Variants in EPB41L4A observed in about 807,000 individuals in gnomAD.
The protein encoded by EPB41L4A is band 4.1-like protein 4A.
Under a neutral mutation model 108.6 loss-of-function variants are expected in EPB41L4A, and 100 were observed. The observed-to-expected ratio is 0.92, with a 90% CI of 0.78 to 1.09. The LOEUF (loss-of-function observed/expected upper bound fraction) is 1.09. Among genes scored for constraint, EPB41L4A ranks in the 50% least tolerant of loss-of-function variants. The pLI, the probability that EPB41L4A is intolerant of heterozygous loss-of-function variation, is 0.00. For synonymous variants in EPB41L4A, 319 were observed against 289.0 expected (o/e 1.10, Z -1.05); for missense variants, 1,030 against 842.7 (o/e 1.22, Z -2.75).
intron 1 of EPB41L4A, among the ~76,000 whole-genome samples, chr5:112,316,921 T>C (rs1755463943): frequency 2.0e-5 from 3 of 152,168 alleles, no homozygotes; most frequent in Non-Finnish European, 2.9e-5. Context: ...AGCAAGGTAA[T>C]CTGACTTCGT....
chr5:112,361,013 A>T (rs13162371), intron 1 of EPB41L4A, among the ~76,000 whole-genome samples: 23 of 151,218 alleles, frequency 1.5e-4, no homozygotes, highest in African/African-American at 5.6e-4. Flanking sequence ...GCCCTGTCTG[A>T]GAGGTGTACC....
chr5:112,267,372 C>A (rs1298568318), intron 4 of EPB41L4A, among the ~76,000 whole-genome samples: 1 of 152,162 alleles, frequency 6.6e-6, no homozygotes, highest in Non-Finnish European at 1.5e-5. Context: ...ACAACCAAAG[C>A]ACTTAGTGAG....
intron 1 of EPB41L4A, among the ~76,000 whole-genome samples, chr5:112,410,728 C>T (rs1181644221): frequency 6.6e-6 from 1 of 152,132 alleles, no homozygotes; most frequent in East Asian, 1.9e-4. Context: ...TCCCATTGCC[C>T]TTATCGCCCA....
At chr5:112,343,092 T>C (rs1357931578) in intron 1 of EPB41L4A, among the ~76,000 whole-genome samples, 1 of 152,208 alleles carries the variant, frequency 6.6e-6, no homozygotes, top group Non-Finnish European at 1.5e-5. Context: ...TAACAGACAG[T>C]TGGCTTTACA....
chr5:112,152,202 A>G (rs1393680163), intron 12 of EPB41L4A, among the ~76,000 whole-genome samples: 2 of 152,202 alleles, frequency 1.3e-5, no homozygotes, highest in Non-Finnish European at 2.9e-5. Context: ...AAAGAGAAAA[A>G]AAAACATAGA....
exon 14 of EPB41L4A, chr5:112,143,757 A>G (rs1251458631): frequency 1.1e-5 from 4 of 380,620 alleles, no homozygotes; most frequent in Non-Finnish European, 1.6e-5. Flanking sequence ...AAGGGCTCCA[A>G]TTGGCCCAGC....
intron 21 of EPB41L4A, 32 bp downstream of exon 21, chr5:112,168,963 T>C (rs1183178572): frequency 1.7e-5 from 27 of 1,546,304 alleles, no homozygotes; most frequent in Non-Finnish European, 2.4e-5. Context: ...GGAGCCATGA[T>C]GGTGATGGTG....
At chr5:112,346,449 C>T (rs1757684288) in intron 1 of EPB41L4A, among the ~76,000 whole-genome samples, 1 of 151,976 alleles carries the variant, frequency 6.6e-6, no homozygotes, top group South Asian at 2.1e-4. Flanking sequence ...GTCTCAAACT[C>T]CTGACTTTGT....
At chr5:112,230,058 C>A (rs1748772212) in intron 12 of EPB41L4A, among the ~76,000 whole-genome samples, 3 of 150,482 alleles carry the variant, frequency 2.0e-5, no homozygotes, top group African/African-American at 4.9e-5. Flanking sequence ...TATTTTGTTC[C>A]TTTTTATGGC....
At chr5:112,320,880 C>T (rs1755725921) in intron 1 of EPB41L4A, among the ~76,000 whole-genome samples, 2 of 152,140 alleles carry the variant, frequency 1.3e-5, no homozygotes, top group African/African-American at 2.4e-5. Context: ...TCTTCCACTC[C>T]CTGTGGTCTA....
At chr5:112,145,314 C>T (rs1026869661) in intron 13 of EPB41L4A, among the ~76,000 whole-genome samples, 6 of 152,076 alleles carry the variant, frequency 3.9e-5, no homozygotes, top group Admixed American at 1.3e-4. Flanking sequence ...AATTTGATAA[C>T]GGAGATTTTA....
chr5:112,229,536 T>C (rs1485583490), intron 12 of EPB41L4A, among the ~76,000 whole-genome samples: 1 of 152,154 alleles, frequency 6.6e-6, no homozygotes, highest in African/African-American at 2.4e-5. Flanking sequence ...CTGTACCCAA[T>C]GTGTAGTCTT....
At chr5:112,145,082 G>T (rs1257694537) in intron 13 of EPB41L4A, among the ~76,000 whole-genome samples, 1 of 152,198 alleles carries the variant, frequency 6.6e-6, no homozygotes, top group African/African-American at 2.4e-5. Flanking sequence ...TTGAGGTCAG[G>T]AGTTTGAGAC....
At chr5:112,325,543 G>A (rs1756096634) in intron 1 of EPB41L4A, among the ~76,000 whole-genome samples, 1 of 151,896 alleles carries the variant, frequency 6.6e-6, no homozygotes, top group Admixed American at 6.6e-5. Flanking sequence ...GTTTTAAATG[G>A]GTGGTAAGAA....
intron 1 of EPB41L4A, among the ~76,000 whole-genome samples, chr5:112,326,147 C>G (rs1228967376): frequency 6.6e-6 from 1 of 152,134 alleles, no homozygotes; most frequent in Non-Finnish European, 1.5e-5. Context: ...GAGACTCCAT[C>G]TCTTAAAAAA....
At chr5:112,345,391 C>T (rs544232384) in intron 1 of EPB41L4A, among the ~76,000 whole-genome samples, 1 of 152,034 alleles carries the variant, frequency 6.6e-6, no homozygotes, top group East Asian at 1.9e-4. Flanking sequence ...TGTTTGAACA[C>T]ATATTTAATG....
At chr5:112,313,048 C>T (rs1755149645) in intron 1 of EPB41L4A, among the ~76,000 whole-genome samples, 1 of 152,082 alleles carries the variant, frequency 6.6e-6, no homozygotes, top group South Asian at 2.1e-4. Flanking sequence ...TTATTTATTG[C>T]CTAATACCAG....
intron 12 of EPB41L4A, among the ~76,000 whole-genome samples, chr5:112,231,589 TC>T (rs1373586888): frequency 1.3e-5 from 2 of 150,478 alleles, no homozygotes; most frequent in African/African-American, 4.9e-5. Context: ...ATCGAGACCA[TC>T]CTGGCTAACA....
intron 12 of EPB41L4A, among the ~76,000 whole-genome samples, chr5:112,153,688 A>C (rs1277795782): frequency 2.0e-5 from 3 of 151,580 alleles, no homozygotes; most frequent in African/African-American, 7.3e-5. Flanking sequence ...GATCAAGCAG[A>C]TTACAAATCA....
Sources: allele counts gnomAD v4.1 joint callset (sites outside exome capture counted in the v4.1 genomes callset), GRCh38; gene constraint gnomAD v4.1.1; transcripts MANE v1.5; gene names NCBI Gene and HGNC (gene_info 2026-07-23, HGNC 2026-07-21).